Variants in GRIP1 observed in about 807,000 individuals in gnomAD.
GRIP1 encodes the protein glutamate receptor-interacting protein 1.
In GRIP1, 45 loss-of-function variants were observed where a neutral mutation model predicts 129.9. The ratio of observed to expected loss-of-function variants is 0.35; its 90% confidence interval spans 0.27 to 0.44. The LOEUF is 0.44. Among genes scored for constraint, GRIP1 ranks in the 20% least tolerant of loss-of-function variants. GRIP1 has a pLI of 1.00. For missense variants in GRIP1, 1,196 were observed against 1,396.8 expected (o/e 0.86, Z 2.29); for synonymous variants, 530 against 520.8 (o/e 1.02, Z -0.24).
chr12:66,796,278 T>A (rs542697372), intron 1 of GRIP1, among the ~76,000 whole-genome samples: 1 of 152,156 alleles, frequency 6.6e-6, no homozygotes, highest in Non-Finnish European at 1.5e-5. Flanking sequence ...TAAATCTACA[T>A]TTTTCCTATT....
intron 1 of GRIP1, among the ~76,000 whole-genome samples, chr12:66,979,035 C>T (rs1434752366): frequency 2.0e-5 from 3 of 151,932 alleles, no homozygotes; most frequent in Admixed American, 6.6e-5. Flanking sequence ...AGCTCCACAC[C>T]ATCTGGGTTC....
chr12:66,674,046 G>T (rs571522523), intron 1 of GRIP1, among the ~76,000 whole-genome samples: 1 of 152,178 alleles, frequency 6.6e-6, no homozygotes, highest in Non-Finnish European at 1.5e-5. Context: ...GAAAGTTAAC[G>T]AGGTGGAGGA....
chr12:66,975,260 T>C (rs189756484), intron 1 of GRIP1, among the ~76,000 whole-genome samples: 53 of 152,274 alleles, frequency 3.5e-4, no homozygotes, highest in African/African-American at 1.2e-3. Context: ...AGAAACAGCA[T>C]GTAAAATGTA....
chr12:66,407,836 G>T (rs35224425), intron 15 of GRIP1, among the ~76,000 whole-genome samples: 2,175 of 152,258 alleles, frequency 0.014, 30 homozygotes, highest in Non-Finnish European at 0.024. Context: ...GACTTGGGGG[G>T]CATGTGACCT....
At chr12:66,613,436 C>T (rs961166800) in intron 1 of GRIP1, among the ~76,000 whole-genome samples, 8 of 152,038 alleles carry the variant, frequency 5.3e-5, no homozygotes, top group Non-Finnish European at 1.2e-4. Context: ...TAGAAAGGTT[C>T]CTGTATGTTA....
intron 1 of GRIP1, among the ~76,000 whole-genome samples, chr12:66,967,953 G>A (rs1354757998): frequency 6.6e-6 from 1 of 152,144 alleles, no homozygotes. Context: ...ATTAGATCAA[G>A]CTGACTGATA....
intron 1 of GRIP1, among the ~76,000 whole-genome samples, chr12:66,725,321 AAAAC>A (rs1162788649): frequency 2.0e-5 from 3 of 152,072 alleles, no homozygotes; most frequent in Non-Finnish European, 4.4e-5. Context: ...ACAAAAATCG[AAAAC>A]AAACAAAAAT....
chr12:66,404,605 C>T (rs1473762122), intron 16 of GRIP1, among the ~76,000 whole-genome samples: 3 of 152,050 alleles, frequency 2.0e-5, no homozygotes, highest in Non-Finnish European at 4.4e-5. Context: ...TTCCTAAACC[C>T]GTTTATGCCA....
intron 1 of GRIP1, among the ~76,000 whole-genome samples, chr12:66,651,189 G>A (rs993934968): frequency 6.6e-6 from 1 of 152,074 alleles, no homozygotes; most frequent in African/African-American, 2.4e-5. Flanking sequence ...AGCAACTCTG[G>A]AATATTAAGC....
intron 1 of GRIP1, among the ~76,000 whole-genome samples, chr12:67,045,275 G>T (rs1304744675): frequency 6.6e-6 from 1 of 152,120 alleles, no homozygotes; most frequent in Non-Finnish European, 1.5e-5. Context: ...TAAAGAAATA[G>T]GGATAAGGAC....
At position 66,576,441 on chromosome 12, in the gene GRIP1, G is replaced by T. The variant is rs541948921; in HGVS notation, c.136+20406C>A. 4.6e-5 allele frequency among the ~76,000 whole-genome samples: 7 copies of T among 152,332 alleles called. No individual in the cohort carries two copies. In the South Asian group the frequency reaches 1.2e-3, roughly 27 times the overall value. Reference sequence around the variant, plus strand: ...TAATTCATTGCTAAGAAGAGTAGTAGATGTATGTGATGATCAGGAATAGAG... The same window carrying T: ...TAATTCATTGCTAAGAAGAGTAGTATATGTATGTGATGATCAGGAATAGAG... On this transcript the variant is annotated intron_variant, in intron 2 of 24. Coordinates refer to ENST00000359742, the MANE Select transcript of GRIP1 (RefSeq NM_001366722.1).
At chr12:66,677,458 G>C (rs1369812977) in intron 1 of GRIP1, among the ~76,000 whole-genome samples, 1 of 152,074 alleles carries the variant, frequency 6.6e-6, no homozygotes, top group Non-Finnish European at 1.5e-5. Flanking sequence ...TTCAGAATAA[G>C]GGCCTGCCTT....
In GRIP1 at chr12:66,507,391, T is replaced by C. The variant is rs370508787; in HGVS notation, c.724+8228A>G. ...AGGTGGAGCTTGCAGTGAGCCGAGA[T>C]CGTGCCACTGCACTCCAGCCTGGGT... On this transcript the variant is annotated intron_variant, in intron 7 of 24. Transcript: ENST00000359742. Among the ~76,000 whole-genome samples, 375 of 151,518 alleles carry C rather than the reference T, an allele frequency of 2.5e-3. 3 individuals are homozygous for C. The highest frequency in any genetic ancestry group is 8.6e-3 in the African/African-American group (354 of 41,214).
At chr12:66,981,251 T>C (rs1296949119) in intron 1 of GRIP1, among the ~76,000 whole-genome samples, 3 of 152,196 alleles carry the variant, frequency 2.0e-5, no homozygotes, top group Non-Finnish European at 4.4e-5. Context: ...TTCTCCTTAA[T>C]ACTTAATGCT....
chr12:66,468,658 T>C (rs117211773), intron 7 of GRIP1, among the ~76,000 whole-genome samples: 165 of 140,328 alleles, frequency 1.2e-3, no homozygotes, highest in Non-Finnish European at 1.6e-3. Flanking sequence ...AAAAGGTGTC[T>C]AAATATAAAC....
At chr12:66,358,450 TTTTC>T (rs1391935280) in intron 23 of GRIP1, among the ~76,000 whole-genome samples, 16 of 152,136 alleles carry the variant, frequency 1.1e-4, no homozygotes, top group African/African-American at 3.9e-4. Context: ...TTCTAGTCCT[TTTTC>T]TTTCTTTTTT....
At chr12:66,691,244 C>T (rs1395691852) in intron 1 of GRIP1, among the ~76,000 whole-genome samples, 1 of 152,148 alleles carries the variant, frequency 6.6e-6, no homozygotes, top group Non-Finnish European at 1.5e-5. Flanking sequence ...AAGGAATGTG[C>T]CTTCAGTCAT....
intron 1 of GRIP1, among the ~76,000 whole-genome samples, chr12:66,796,029 T>C (rs1293422002): frequency 6.6e-6 from 1 of 152,114 alleles, no homozygotes; most frequent in East Asian, 1.9e-4. Context: ...TATGACACAC[T>C]TACTAACACT....
chr12:66,814,029 ATGG>A (rs1324369139), intron 1 of GRIP1, among the ~76,000 whole-genome samples: 2 of 152,212 alleles, frequency 1.3e-5, no homozygotes, highest in Admixed American at 6.5e-5. Context: ...GATAGGAATA[ATGG>A]TGGAGATACA....
Sources: gnomAD v4.1 joint callset for allele counts (sites outside exome capture counted in the v4.1 genomes callset) on GRCh38, gnomAD v4.1.1 for gene constraint, MANE v1.5 for transcripts, NCBI Gene and HGNC (gene_info 2026-07-23, HGNC 2026-07-21) for gene names.